The following MACROD2 variants were observed in gnomAD, a reference collection of about 807,000 sequenced individuals.
MACROD2 encodes the protein mono-ADP ribosylhydrolase 2.
MACROD2 carries 36 observed loss-of-function variants against 70.4 expected under a neutral mutation model. That is an observed-to-expected ratio of 0.51 (90% CI 0.39 to 0.68). The LOEUF is 0.68. Ranked by LOEUF, MACROD2 falls within the 30% of genes least tolerant of loss-of-function variation. MACROD2 has a pLI of 0.00. For missense variants in MACROD2, 496 were observed against 538.4 expected, an observed-to-expected ratio of 0.92 and a Z score of 0.78; for synonymous variants, 172 against 178.8, an observed-to-expected ratio of 0.96 and a Z score of 0.30.
chr20:15,562,805 T>C (rs985775322), intron 8 of MACROD2, among the ~76,000 whole-genome samples: 3 of 152,096 alleles, frequency 2.0e-5, no homozygotes, highest in Non-Finnish European at 4.4e-5. Context: ...GACCTTTGAA[T>C]TGTGTTGAGT....
chr20:15,084,065 T>TG (rs58329900), intron 5 of MACROD2, among the ~76,000 whole-genome samples: 16 of 59,174 alleles, frequency 2.7e-4, no homozygotes, highest in East Asian at 8.8e-4. Flanking sequence ...CTAGGTTTTT[T>TG]TTTTTTGTTT....
intron 6 of MACROD2, among the ~76,000 whole-genome samples, chr20:15,353,574 A>G (rs1284987433): frequency 2.6e-5 from 4 of 151,944 alleles, no homozygotes; most frequent in Non-Finnish European, 4.4e-5. Flanking sequence ...GCAACCTACA[A>G]AATGGGAGAA....
intron 3 of MACROD2, among the ~76,000 whole-genome samples, chr20:14,379,915 G>A (rs572359237): frequency 5.4e-4 from 82 of 152,134 alleles, no homozygotes; most frequent in Non-Finnish European, 1.1e-3. Context: ...ATGTGGCAAC[G>A]CACATTATTG....
intron 5 of MACROD2, among the ~76,000 whole-genome samples, chr20:14,823,164 G>A (rs987242977): frequency 6.6e-6 from 1 of 151,890 alleles, no homozygotes; most frequent in Non-Finnish European, 1.5e-5. Flanking sequence ...GACTCTTATG[G>A]GATTCTAGGT....
At chr20:14,993,587 C>A (rs545477185) in intron 5 of MACROD2, among the ~76,000 whole-genome samples, 89 of 152,132 alleles carry the variant, frequency 5.9e-4, no homozygotes, top group Admixed American at 1.1e-3. Flanking sequence ...GCCTAAACAT[C>A]ACAGATTTAC....
At chr20:15,734,185 A>G (rs1295125512) in intron 8 of MACROD2, among the ~76,000 whole-genome samples, 1 of 152,222 alleles carries the variant, frequency 6.6e-6, no homozygotes, top group Non-Finnish European at 1.5e-5. Context: ...CAAAGGCACT[A>G]AGACCTGGGC....
chr20:15,149,570 G>A (rs1435396834), intron 5 of MACROD2, among the ~76,000 whole-genome samples: 3 of 151,978 alleles, frequency 2.0e-5, no homozygotes, highest in Non-Finnish European at 4.4e-5. Context: ...AGGAGCCAGG[G>A]AGCAGAAAGT....
chr20:15,523,301 T>A lies in MACROD2; in HGVS notation c.645+23454T>A, dbSNP rs1296513446. On this transcript the variant is annotated intron_variant, in intron 8 of 17. Transcript: ENST00000684519. ...TAATTTGGGTTGAGTTCAAACACAA[T>A]GTACTTTTCAAAATGTAAATCTGTG... Among the ~76,000 whole-genome samples, 8 of 152,224 alleles carry A rather than the reference T, an allele frequency of 5.3e-5. No homozygotes were observed. In the East Asian group the frequency reaches 1.5e-3, roughly 29 times the overall value.
At chr20:15,086,503 A>G (rs1352727411) in intron 5 of MACROD2, among the ~76,000 whole-genome samples, 1 of 152,164 alleles carries the variant, frequency 6.6e-6, no homozygotes, top group Non-Finnish European at 1.5e-5. Context: ...ACAGTTCTAG[A>G]TGGTCACAAT....
At chr20:15,944,999 C>A (rs2065801842) in intron 12 of MACROD2, among the ~76,000 whole-genome samples, 1 of 152,144 alleles carries the variant, frequency 6.6e-6, no homozygotes. Context: ...CTAATCTCTT[C>A]TTCCAACTAC....
Position 15,011,499 on chromosome 20 carries a change from G to A in MACROD2, c.419-218441G>A, listed in dbSNP as rs186071962. 3.5e-4 allele frequency among the ~76,000 whole-genome samples: 54 copies of A among 152,226 alleles called. No homozygotes were observed. The East Asian group carries it at 0.01, about 29-fold the overall frequency. On this transcript the variant is annotated intron_variant, in intron 5 of 17. Coordinates refer to ENST00000684519, the MANE Select transcript of MACROD2 (RefSeq NM_001351661.2). ...GATATGCTCATACCTGTGAGGCTCC[G>A]TGATGGGAAATGACATAGTACTCTT... is the stretch of plus-strand genomic sequence containing the variant.
chr20:14,353,927 C>G (rs1246273074), intron 3 of MACROD2, among the ~76,000 whole-genome samples: 1 of 152,002 alleles, frequency 6.6e-6, no homozygotes, highest in Admixed American at 6.6e-5. Context: ...AAGGAGATAC[C>G]TGAAAAAAAT....
chr20:15,389,211 C>T (rs2045759650), intron 6 of MACROD2, among the ~76,000 whole-genome samples: 1 of 152,036 alleles, frequency 6.6e-6, no homozygotes, highest in Non-Finnish European at 1.5e-5. Context: ...AGAGGGTACC[C>T]AGTTAAATTT....
chr20:15,680,267 A>C (rs959424654), intron 8 of MACROD2, among the ~76,000 whole-genome samples: 9 of 152,234 alleles, frequency 5.9e-5, no homozygotes, highest in African/African-American at 1.7e-4. Flanking sequence ...AGTTCTCTAC[A>C]TGATTGTTCA....
At chr20:14,640,274 A>G (rs1004029992) in intron 4 of MACROD2, among the ~76,000 whole-genome samples, 3 of 152,230 alleles carry the variant, frequency 2.0e-5, no homozygotes, top group African/African-American at 7.2e-5. Context: ...TTCTATAGCA[A>G]CTGGAATCTA....
intron 2 of MACROD2, among the ~76,000 whole-genome samples, chr20:14,077,785 C>T (rs1359664293): frequency 2.6e-5 from 4 of 151,896 alleles, no homozygotes; most frequent in East Asian, 3.9e-4. Flanking sequence ...ATAACATCAG[C>T]CCAACAGTGT....
intron 5 of MACROD2, among the ~76,000 whole-genome samples, chr20:15,062,046 C>A (rs573694214): frequency 1.3e-5 from 2 of 152,152 alleles, no homozygotes; most frequent in African/African-American, 4.8e-5. Flanking sequence ...GATACTGCAG[C>A]CTTGGGCTTG....
chr20:14,737,366 G>A (rs1444534849), intron 5 of MACROD2, among the ~76,000 whole-genome samples: 1 of 152,156 alleles, frequency 6.6e-6, no homozygotes, highest in African/African-American at 2.4e-5. Context: ...ATGGGCATTT[G>A]TGTTGGTTCC....
intron 3 of MACROD2, among the ~76,000 whole-genome samples, chr20:14,233,662 A>G (rs2081840607): frequency 7.5e-6 from 1 of 133,530 alleles, no homozygotes; most frequent in South Asian, 2.4e-4. Context: ...GTGCCACTGC[A>G]CTCCCGCCTG....
Sources: allele counts gnomAD v4.1 joint callset (sites outside exome capture counted in the v4.1 genomes callset), GRCh38; gene constraint gnomAD v4.1.1; transcripts MANE v1.5; gene names NCBI Gene and HGNC (gene_info 2026-07-23, HGNC 2026-07-21).